The following CEACAM19 variants were observed in gnomAD, a reference collection of about 807,000 sequenced individuals.
CEACAM19 encodes CEA cell adhesion molecule 19, also known as cell adhesion molecule CEACAM19.
Under a neutral mutation model 37.6 loss-of-function variants are expected in CEACAM19, and 37 were observed. The observed-to-expected ratio is 0.98, with a 90% CI of 0.76 to 1.29. CEACAM19 has a LOEUF of 1.29. CEACAM19 is among the 50% of genes most tolerant of loss of function. The pLI is 0.00. For synonymous variants in CEACAM19, 140 were observed against 149.8 expected (o/e 0.93, Z 0.48); for missense variants, 340 against 375.6 (o/e 0.91, Z 0.78).
At chr19:44,673,447 G>C (rs1973893200) in intron 2 of CEACAM19, among the ~76,000 whole-genome samples, 1 of 152,138 alleles carries the variant, frequency 6.6e-6, no homozygotes, top group Non-Finnish European at 1.5e-5. Context: ...CTCAGCTTCA[G>C]CACTACTGAT....
chr19:44,676,625 C>T (rs1319304444), intron 3 of CEACAM19, among the ~76,000 whole-genome samples: 1 of 152,020 alleles, frequency 6.6e-6, no homozygotes, highest in Non-Finnish European at 1.5e-5. Context: ...ACTGACTTAC[C>T]AAAAAGAAGG....
chr19:44,683,504 AG>A lies in CEACAM19; in HGVS notation c.*16del. 6.6e-7 allele frequency: 1 copy of A among 1,513,340 alleles called. No homozygotes were observed. Among genetic ancestry groups the A allele is most frequent in the Non-Finnish European group, 8.9e-7 (1 of 1,122,354 alleles). The allele number at this position is 1,513,340 out of a possible 1,614,324, so 93.7% of individuals were successfully genotyped here. A position where few individuals can be genotyped will look rare whatever the true frequency, so the allele number is the denominator to read the frequency against. ...CCAACTTCCTGATGGGTCCTGGGCC[AG>A]GCCAGCCAGGGAGAAGACAAGGCCC... On this transcript the variant is annotated 3_prime_UTR_variant, in exon 8 of 8. Transcript: ENST00000358777.
chr19:44,677,189 C>T lies in CEACAM19; in HGVS notation c.575+768C>T, dbSNP rs1327214664. Among the ~76,000 whole-genome samples, 8 of 152,156 alleles carry T rather than the reference C, an allele frequency of 5.3e-5. No homozygotes were observed. In the East Asian group the frequency reaches 1.5e-3, roughly 29 times the overall value. ...AAGTCTACCTCTCATTGGCTTAACTCAGATCACATGACTTTTCATGAACCA... is the reference window on the plus strand; with the variant it reads ...AAGTCTACCTCTCATTGGCTTAACTTAGATCACATGACTTTTCATGAACCA... On this transcript the variant is annotated intron_variant, in intron 3 of 7. Coordinates refer to ENST00000358777, the MANE Select transcript of CEACAM19 (RefSeq NM_001127893.3).
intron 2 of CEACAM19, chr19:44,673,585 A>T (rs551814413): frequency 6.6e-6 from 1 of 152,288 alleles, no homozygotes; most frequent in African/African-American, 2.4e-5. Context: ...ATGTCTTCAG[A>T]TATTACCAAA....
rs184396594 is a variant in CEACAM19, at chr19:44,675,735, G to A, written c.425-536G>A. Among the ~76,000 whole-genome samples, 286 of 151,890 alleles carry A rather than the reference G, an allele frequency of 1.9e-3. 2 individuals carry two copies. The highest frequency in any genetic ancestry group is 5.7e-3 in the African/African-American group (237 of 41,424). Reference sequence around the variant, plus strand: ...GAGGAGTTGGAGGCTGCAGTGAACCGTGATCATGCCACTGCATTCCAGCCT... The same window carrying A: ...GAGGAGTTGGAGGCTGCAGTGAACCATGATCATGCCACTGCATTCCAGCCT... On this transcript the variant is annotated intron_variant, in intron 2 of 7. Transcript: ENST00000358777.
Position 44,676,299 on chromosome 19 carries a change from C to A in CEACAM19, c.453C>A (p.His151Gln), listed in dbSNP as rs370663674. ...AGAATAAGGAGCTGCCCAGTACACA[C>A]CTGCCCACCAACGCTGGGATCCTGG... is the stretch of plus-strand genomic sequence containing the variant. ...AEKNKELPST[H>Q]LPTNAGILAA... Residue 151 changes from histidine (H) to glutamine (Q), a missense_variant, in exon 3 of 8, where the codon CAC becomes CAA. His to Gln is a conservative substitution (Grantham distance 24, BLOSUM62 0). Transcript: ENST00000358777. The A allele has an allele frequency of 5.6e-6, 9 of 1,614,032 alleles. No homozygotes were observed. In the African/African-American group the frequency reaches 1.2e-4, roughly 22 times the overall value.
chr19:44,672,327 A>C (rs1390589822), intron 1 of CEACAM19, among the ~76,000 whole-genome samples: 1 of 152,166 alleles, frequency 6.6e-6, no homozygotes, highest in Non-Finnish European at 1.5e-5. Context: ...GAATGAATGA[A>C]TTCAGAGAGT....
intron 1 of CEACAM19, chr19:44,672,342 G>A (rs1212416969): frequency 2.1e-6 from 1 of 469,428 alleles, no homozygotes; most frequent in Non-Finnish European, 3.7e-6. Context: ...GAGAGTCCAT[G>A]TGTTTAGAAG....
chr19:44,683,192 GTC>G (rs371611471), intron 7 of CEACAM19: 1,175 of 402,684 alleles, frequency 2.9e-3, no homozygotes, highest in South Asian at 4.9e-3. Flanking sequence ...CTGCATCTCT[GTC>G]TCTCTCTCTC....
chr19:44,666,708 T>C (rs757477129), upstream of CEACAM19, among the ~76,000 whole-genome samples: 1 of 151,970 alleles, frequency 6.6e-6, no homozygotes, highest in African/African-American at 2.4e-5. Context: ...GAACCCAGCA[T>C]GAAATCTTCC....
At position 44,679,689 on chromosome 19, in the gene CEACAM19, T is replaced by C. The variant is rs189094452; in HGVS notation, c.660-599T>C. Among the ~76,000 whole-genome samples, 10 of 151,262 alleles carry C rather than the reference T, an allele frequency of 6.6e-5. No homozygotes were observed. In the South Asian group the frequency reaches 2.1e-3, roughly 32 times the overall value. ...GCATGAACCCGGGAGGCGGAGCTTT[T>C]AGTGAGCCGAGATTGCACCACTGCA... is the stretch of plus-strand genomic sequence containing the variant. On this transcript the variant is annotated intron_variant, in intron 4 of 7. Transcript: ENST00000358777.
At position 44,681,322 on chromosome 19, in the gene CEACAM19, G is replaced by C. The variant is rs765333595; in HGVS notation, c.792+10G>C. 1 of 1,600,516 alleles carries C rather than the reference G, an allele frequency of 6.2e-7. No individual in the cohort carries two copies. The highest frequency in any genetic ancestry group is 1.7e-5 in the Admixed American group (1 of 59,778). ...CATAAACCCAGCCCGGGTGAGTCCC[G>C]TCCCCAGCCTCTCCCCTGAAGCCAA... On this transcript the variant is annotated intron_variant, in intron 6 of 7. Transcript: ENST00000358777.
chr19:44,683,054 G>GGC (rs1974090756), intron 7 of CEACAM19: 1 of 190,532 alleles, frequency 5.2e-6, no homozygotes, highest in African/African-American at 5.9e-5. Flanking sequence ...CCCTTTCTTG[G>GGC]ACTCTCTCTC....
upstream of CEACAM19, chr19:44,667,353 AGAT>A (rs1973731226): frequency 6.6e-6 from 1 of 150,832 alleles, no homozygotes; most frequent in African/African-American, 2.4e-5. Flanking sequence ...GAAGTTTCTG[AGAT>A]GATGATGAAA....
intron 3 of CEACAM19, 95 bp from the exon 4 acceptor site, chr19:44,678,758 C>G (rs947745265): frequency 9.8e-6 from 15 of 1,525,186 alleles, no homozygotes; most frequent in Middle Eastern, 1.7e-4. Context: ...CCCCCTCCCC[C>G]CTCTCCATTT....
intron 2 of CEACAM19, chr19:44,673,733 G>A (rs1462105213): frequency 6.6e-6 from 1 of 152,246 alleles, no homozygotes; most frequent in African/African-American, 2.4e-5. Flanking sequence ...GAGGCACGCA[G>A]TGGTTATGAC....
intron 2 of CEACAM19, 55 bp from the exon 3 acceptor site, chr19:44,676,216 C>G (rs1973945443): frequency 1.3e-6 from 2 of 1,560,632 alleles, no homozygotes; most frequent in Non-Finnish European, 1.7e-6. Flanking sequence ...ACTGGGGGAG[C>G]CCTCAGGAGA....
At chr19:44,675,445 C>T (rs913077116) in intron 2 of CEACAM19, among the ~76,000 whole-genome samples, 1 of 151,964 alleles carries the variant, frequency 6.6e-6, no homozygotes, top group African/African-American at 2.4e-5. Flanking sequence ...AGAACCTCAT[C>T]CTTCTGCTGA....
At chr19:44,675,114 G>GTGTA (rs1973924775) in intron 2 of CEACAM19, among the ~76,000 whole-genome samples, 1 of 151,074 alleles carries the variant, frequency 6.6e-6, no homozygotes, top group Non-Finnish European at 1.5e-5. Flanking sequence ...GTGTGTGTGT[G>GTGTA]TGTGTGTGTG....
Sources: allele counts gnomAD v4.1 joint callset (sites outside exome capture counted in the v4.1 genomes callset), GRCh38; gene constraint gnomAD v4.1.1; transcripts MANE v1.5; gene names NCBI Gene and HGNC (gene_info 2026-07-23, HGNC 2026-07-21).